PDK3: variants seen among roughly 807,000 people sequenced by gnomAD.
PDK3 encodes the protein pyruvate dehydrogenase kinase, isozyme 3.
PDK3 carries 12 observed loss-of-function variants against 32.0 expected under a neutral mutation model. The observed-to-expected ratio is 0.37, with a 90% CI of 0.24 to 0.61. The LOEUF (loss-of-function observed/expected upper bound fraction) is 0.61, where lower values mean the gene tolerates loss of function less well. Among genes scored for constraint, PDK3 ranks in the 20% least tolerant of loss-of-function variants. The pLI, the probability that PDK3 is intolerant of heterozygous loss-of-function variation, is 0.65. For synonymous variants in PDK3, 122 were observed against 116.3 expected (o/e 1.05, Z -0.31); for missense variants, 188 against 316.9 (o/e 0.59, Z 3.09).
chrX:24,505,842 A>G (rs1258584143), intron 5 of PDK3, among the ~76,000 whole-genome samples: 1 of 110,822 alleles, frequency 9.0e-6, no homozygotes, highest in Non-Finnish European at 1.9e-5. Flanking sequence ...CAGTTTCCTC[A>G]TTATTTATTC....
At chrX:24,512,383 G>A (rs1459569748) in intron 5 of PDK3, among the ~76,000 whole-genome samples, 2 of 111,945 alleles carry the variant, frequency 1.8e-5, no homozygotes, top group Non-Finnish European at 3.8e-5. Context: ...TCCTCAGAGC[G>A]CGTGGCATTA....
intron 5 of PDK3, among the ~76,000 whole-genome samples, chrX:24,507,418 T>G (rs759768580): frequency 8.9e-6 from 1 of 112,209 alleles, no homozygotes; most frequent in East Asian, 2.8e-4. Context: ...TTCATGTTAG[T>G]TGGGTGATCT....
At chrX:24,479,823 C>G (rs1921206181) in intron 1 of PDK3, among the ~76,000 whole-genome samples, 1 of 111,002 alleles carries the variant, frequency 9.0e-6, no homozygotes, top group African/African-American at 3.3e-5. Flanking sequence ...TTATATGGCA[C>G]CTGAAAAAGA....
At chrX:24,473,437 T>TTATTTATTTATG (rs1234456040) in intron 1 of PDK3, among the ~76,000 whole-genome samples, 1 of 109,134 alleles carries the variant, frequency 9.2e-6, no homozygotes, top group Non-Finnish European at 1.9e-5. Context: ...ATTTATTTAT[T>TTATTTATTTATG]TATTTATTTA....
chrX:24,544,351 T>C (rs1232219091), exon 12 of PDK3, among the ~76,000 whole-genome samples: 3 of 111,197 alleles, frequency 2.7e-5, no homozygotes. Context: ...CTGGATTCCA[T>C]GTAGCCCACA....
exon 12 of PDK3, among the ~76,000 whole-genome samples, chrX:24,541,187 A>G (rs1699838121): frequency 9.2e-6 from 1 of 109,096 alleles, no homozygotes; most frequent in African/African-American, 3.3e-5. Context: ...CTGGGATTAC[A>G]GGTTCGAGCC....
intron 5 of PDK3, among the ~76,000 whole-genome samples, chrX:24,515,983 G>A (rs1472263111): frequency 9.0e-6 from 1 of 110,782 alleles, no homozygotes; most frequent in East Asian, 2.8e-4. Flanking sequence ...AATTCTAAAA[G>A]TTTAGTAAAG....
intron 1 of PDK3, among the ~76,000 whole-genome samples, chrX:24,482,058 A>G (rs1353764591): frequency 8.9e-6 from 1 of 112,209 alleles, no homozygotes; most frequent in African/African-American, 3.2e-5. Flanking sequence ...TCTCTGCTAA[A>G]CACAATAGTG....
chrX:24,491,421 G>A (rs1921557700), intron 1 of PDK3, among the ~76,000 whole-genome samples: 1 of 111,480 alleles, frequency 9.0e-6, no homozygotes, highest in Admixed American at 9.6e-5. Context: ...AATGCAACAA[G>A]GACAAGTGGA....
intron 5 of PDK3, among the ~76,000 whole-genome samples, chrX:24,515,312 C>T (rs188477590): frequency 8.9e-6 from 1 of 112,026 alleles, no homozygotes; most frequent in East Asian, 2.8e-4. Flanking sequence ...GTTTTAGGAG[C>T]TGTACTGGGT....
intron 9 of PDK3, among the ~76,000 whole-genome samples, chrX:24,529,064 A>G (rs1922586387): frequency 8.9e-6 from 1 of 112,451 alleles, no homozygotes; most frequent in Non-Finnish European, 1.9e-5. Flanking sequence ...TGTTGGAAAC[A>G]GGAAATCATT....
At chrX:24,517,182 G>T (rs957280362) in intron 5 of PDK3, among the ~76,000 whole-genome samples, 1 of 111,451 alleles carries the variant, frequency 9.0e-6, no homozygotes, top group East Asian at 2.8e-4. Flanking sequence ...TTACCAAAAG[G>T]TTTAAAATTT....
intron 1 of PDK3, among the ~76,000 whole-genome samples, chrX:24,492,775 G>A (rs888757641): frequency 3.6e-5 from 4 of 111,035 alleles, no homozygotes; most frequent in African/African-American, 1.3e-4. Context: ...GCCGAGGCGG[G>A]TGGATCACGA....
intron 1 of PDK3, among the ~76,000 whole-genome samples, chrX:24,477,082 G>T (rs1921131991): frequency 8.9e-6 from 1 of 111,748 alleles, no homozygotes; most frequent in East Asian, 2.8e-4. Context: ...GCTTTTCCAG[G>T]TAATCGGGTG....
chrX:24,518,101 T>C (rs1182190023), intron 5 of PDK3, among the ~76,000 whole-genome samples: 3 of 112,238 alleles, frequency 2.7e-5, no homozygotes, highest in Non-Finnish European at 3.8e-5. Context: ...TTGGTAATAG[T>C]ATAAGTTAAA....
intron 6 of PDK3, among the ~76,000 whole-genome samples, chrX:24,521,135 T>C (rs946741433): frequency 4.6e-5 from 5 of 109,189 alleles, no homozygotes; most frequent in Non-Finnish European, 9.5e-5. Flanking sequence ...AAAAATTAGC[T>C]GGACATAGTG....
intron 5 of PDK3, among the ~76,000 whole-genome samples, chrX:24,516,512 A>G (rs751831567): frequency 1.8e-5 from 2 of 112,157 alleles, no homozygotes; most frequent in East Asian, 5.6e-4. Context: ...ATATAGCAAT[A>G]AAAAGAAATG....
At chrX:24,545,152 C>G (rs1455409993) in exon 12 of PDK3, among the ~76,000 whole-genome samples, 2 of 111,835 alleles carry the variant, frequency 1.8e-5, no homozygotes, top group Non-Finnish European at 3.8e-5. Flanking sequence ...CCAGAGTTAC[C>G]AAGAGACGCC....
chrX:24,535,101 G>A (rs1209777128), downstream of PDK3, among the ~76,000 whole-genome samples: 1 of 112,826 alleles, frequency 8.9e-6, no homozygotes, highest in Admixed American at 9.4e-5. Flanking sequence ...GTTTTCTTCT[G>A]ACTATGTACC....
Sources: allele counts gnomAD v4.1 joint callset (sites outside exome capture counted in the v4.1 genomes callset), GRCh38; gene constraint gnomAD v4.1.1; transcripts MANE v1.5; gene names NCBI Gene and HGNC (gene_info 2026-07-23, HGNC 2026-07-21).